The following PDSS2 variants were observed in gnomAD, a reference collection of about 807,000 sequenced individuals.
PDSS2 encodes the protein decaprenyl diphosphate synthase subunit 2, also known as all trans-polyprenyl-diphosphate synthase PDSS2.
Under a neutral mutation model 44.5 loss-of-function variants are expected in PDSS2, and 31 were observed. That is an observed-to-expected ratio of 0.70 (90% CI 0.52 to 0.94). PDSS2 has a LOEUF of 0.94. PDSS2 is among the 40% of genes least tolerant of loss of function. The pLI is 0.00. For missense variants in PDSS2, 452 were observed against 482.2 expected (o/e 0.94, Z 0.59); for synonymous variants, 157 against 180.3 (o/e 0.87, Z 1.03).
chr6:107,334,634 G>A (rs547109629), intron 1 of PDSS2, among the ~76,000 whole-genome samples: 11 of 151,222 alleles, frequency 7.3e-5, no homozygotes, highest in Non-Finnish European at 1.2e-4. Flanking sequence ...TCAACCTCCC[G>A]GTCCTAAGCG....
intron 1 of PDSS2, among the ~76,000 whole-genome samples, chr6:107,412,686 G>A (rs994806466): frequency 4.6e-5 from 7 of 152,130 alleles, no homozygotes; most frequent in Non-Finnish European, 8.8e-5. Flanking sequence ...TTATCACAGA[G>A]ATTTTTAAAG....
intron 3 of PDSS2, among the ~76,000 whole-genome samples, chr6:107,272,995 C>T (rs778879501): frequency 4.6e-5 from 7 of 152,010 alleles, no homozygotes; most frequent in East Asian, 1.9e-4. Context: ...GGCTGGAGTG[C>T]GGTGGCACAA....
intron 1 of PDSS2, among the ~76,000 whole-genome samples, chr6:107,440,472 A>T (rs1338325650): frequency 6.6e-6 from 1 of 152,242 alleles, no homozygotes; most frequent in Admixed American, 6.5e-5. Context: ...TCCAGCTAGG[A>T]TCTATTGCTA....
intron 1 of PDSS2, among the ~76,000 whole-genome samples, chr6:107,365,023 T>C (rs1330150287): frequency 1.3e-5 from 2 of 152,004 alleles, no homozygotes; most frequent in Non-Finnish European, 2.9e-5. Flanking sequence ...GAAATAAAGA[T>C]AATGGAAGTG....
chr6:107,254,035 C>CTT (rs72372732), intron 3 of PDSS2, among the ~76,000 whole-genome samples: 35 of 132,444 alleles, frequency 2.6e-4, no homozygotes, highest in African/African-American at 5.7e-4. Flanking sequence ...TTCTTTCTTT[C>CTT]TTTTTTTTTT....
chr6:107,326,578 C>T (rs553599084), intron 2 of PDSS2, among the ~76,000 whole-genome samples: 2 of 151,842 alleles, frequency 1.3e-5, no homozygotes, highest in African/African-American at 2.4e-5. Flanking sequence ...TTTGGCTGGG[C>T]GCAGTGGCTC....
At chr6:107,313,166 T>C (rs1292932792) in intron 2 of PDSS2, among the ~76,000 whole-genome samples, 1 of 152,202 alleles carries the variant, frequency 6.6e-6, no homozygotes, top group Non-Finnish European at 1.5e-5. Flanking sequence ...CATTCTAATT[T>C]TATATCCTAT....
rs549608229 is a variant in PDSS2 at position 107,256,766 on chromosome 6, T to A, written c.631-11147A>T. On this transcript the variant is annotated intron_variant, in intron 3 of 7. Coordinates refer to ENST00000369037, the MANE Select transcript of PDSS2 (RefSeq NM_020381.4). Reference sequence around the variant, plus strand: ...TTTGGGGGCCGGGCACAGTGACTCATGCCTGTAATTCCAGCACTTGGGAGG... The same window carrying A: ...TTTGGGGGCCGGGCACAGTGACTCAAGCCTGTAATTCCAGCACTTGGGAGG... 5.9e-5 allele frequency among the ~76,000 whole-genome samples: 9 copies of A among 152,258 alleles called. No homozygotes were observed. In the South Asian group the frequency reaches 1.9e-3, roughly 32 times the overall value.
chr6:107,197,069 G>A (rs1772587607), intron 6 of PDSS2, among the ~76,000 whole-genome samples: 1 of 152,170 alleles, frequency 6.6e-6, no homozygotes, highest in Non-Finnish European at 1.5e-5. Context: ...AAATTGGTAA[G>A]TATAAGTGTT....
intron 1 of PDSS2, among the ~76,000 whole-genome samples, chr6:107,369,426 A>G (rs1779063381): frequency 6.6e-6 from 1 of 152,174 alleles, no homozygotes; most frequent in Non-Finnish European, 1.5e-5. Flanking sequence ...TCAAAAAATA[A>G]TAATAAAATA....
At chr6:107,362,826 A>G (rs1043012271) in intron 1 of PDSS2, among the ~76,000 whole-genome samples, 1 of 152,212 alleles carries the variant, frequency 6.6e-6, no homozygotes, top group African/African-American at 2.4e-5. Context: ...GTAAAAAGAT[A>G]GAAAATATTT....
intron 1 of PDSS2, among the ~76,000 whole-genome samples, chr6:107,425,792 TC>T (rs1309114947): frequency 2.0e-5 from 3 of 152,008 alleles, no homozygotes; most frequent in African/African-American, 7.2e-5. Flanking sequence ...AAACCCTGTC[TC>T]TACTAAAAAT....
intron 1 of PDSS2, among the ~76,000 whole-genome samples, chr6:107,339,245 C>T (rs1778003247): frequency 6.6e-6 from 1 of 152,178 alleles, no homozygotes; most frequent in East Asian, 1.9e-4. Flanking sequence ...TATGGCCTCA[C>T]TTTACTACAT....
At chr6:107,162,554 G>A (rs1158439174) in intron 7 of PDSS2, among the ~76,000 whole-genome samples, 1 of 138,148 alleles carries the variant, frequency 7.2e-6, no homozygotes, top group Non-Finnish European at 1.6e-5. Flanking sequence ...GTTTGTTCAA[G>A]TTTCCAATTT....
At chr6:107,196,911 C>T (rs1582769669) in intron 6 of PDSS2, among the ~76,000 whole-genome samples, 1 of 151,932 alleles carries the variant, frequency 6.6e-6, no homozygotes, top group South Asian at 2.1e-4. Context: ...CATAAAAACA[C>T]AGAATTTGGA....
intron 7 of PDSS2, among the ~76,000 whole-genome samples, chr6:107,172,426 C>T (rs1345824303): frequency 6.6e-6 from 1 of 152,102 alleles, no homozygotes; most frequent in East Asian, 1.9e-4. Flanking sequence ...AATGGTGGCT[C>T]ACACCTGTAA....
At chr6:107,410,520 A>G (rs1471403394) in intron 1 of PDSS2, among the ~76,000 whole-genome samples, 1 of 151,838 alleles carries the variant, frequency 6.6e-6, no homozygotes, top group Non-Finnish European at 1.5e-5. Flanking sequence ...ACAGAGTCTC[A>G]CTCTGTTACC....
rs563416234 is a variant in PDSS2, at chr6:107,175,089, G to A, written c.1041+18733C>T. On this transcript the variant is annotated intron_variant, in intron 7 of 7. Coordinates refer to ENST00000369037, the MANE Select transcript of PDSS2 (RefSeq NM_020381.4). Reference sequence around the variant, plus strand: ...TAGCCAGGCATGCTGGCACACGCCTGTAATCCCAGCTACTCGGGAGGCTGA... The same window carrying A: ...TAGCCAGGCATGCTGGCACACGCCTATAATCCCAGCTACTCGGGAGGCTGA... Among the ~76,000 whole-genome samples the A allele has an allele frequency of 6.6e-5, 10 of 152,158 alleles. No individual in the cohort carries two copies. In the South Asian group the frequency reaches 2.1e-3, roughly 32 times the overall value.
chr6:107,277,574 T>G (rs1775826480), intron 2 of PDSS2, among the ~76,000 whole-genome samples: 1 of 150,618 alleles, frequency 6.6e-6, no homozygotes, highest in African/African-American at 2.4e-5. Context: ...GGATATGGGG[T>G]GGGGGAGCTA....
Sources: allele counts gnomAD v4.1 joint callset (sites outside exome capture counted in the v4.1 genomes callset), GRCh38; gene constraint gnomAD v4.1.1; transcripts MANE v1.5; gene names NCBI Gene and HGNC (gene_info 2026-07-23, HGNC 2026-07-21).